The following ADGRL2 variants were observed in gnomAD, a reference collection of about 807,000 sequenced individuals.
The protein encoded by ADGRL2 is calcium-independent alpha-latrotoxin receptor 2.
In ADGRL2, 44 loss-of-function variants were observed where a neutral mutation model predicts 157.4. That is an observed-to-expected ratio of 0.28 (90% confidence interval 0.22 to 0.36). The LOEUF (loss-of-function observed/expected upper bound fraction) is 0.36. Among genes scored for constraint, ADGRL2 ranks in the 10% least tolerant of loss-of-function variants. The pLI, the probability that ADGRL2 is intolerant of heterozygous loss-of-function variation, is 1.00. For synonymous variants in ADGRL2, 585 were observed against 624.7 expected (o/e 0.94, Z 0.95); for missense variants, 1,510 against 1,768.9 (o/e 0.85, Z 2.63).
chr1:81,802,015 A>T (rs1398716636), intron 1 of ADGRL2, among the ~76,000 whole-genome samples: 1 of 151,004 alleles, frequency 6.6e-6, no homozygotes, highest in Non-Finnish European at 1.5e-5. Flanking sequence ...GCTCGGCTGG[A>T]GGCGGCGGCG....
At chr1:81,418,429 T>C (rs991441308) in intron 1 of ADGRL2, among the ~76,000 whole-genome samples, 5 of 152,192 alleles carry the variant, frequency 3.3e-5, no homozygotes, top group Non-Finnish European at 5.9e-5. Flanking sequence ...ATCTCACCTA[T>C]CTGTATTCAG....
At chr1:81,433,152 T>C (rs2077352472) in intron 1 of ADGRL2, among the ~76,000 whole-genome samples, 1 of 152,228 alleles carries the variant, frequency 6.6e-6, no homozygotes, top group Non-Finnish European at 1.5e-5. Context: ...CCAAGAAATT[T>C]GATTTTGTTA....
chr1:81,557,942 GGC>G (rs1401825460), intron 2 of ADGRL2: 1 of 152,156 alleles, frequency 6.6e-6, no homozygotes, highest in Non-Finnish European at 1.5e-5. Context: ...CATTGAGGAG[GGC>G]GCACCTCTGT....
At chr1:81,358,372 A>G (rs994664183) in intron 1 of ADGRL2, among the ~76,000 whole-genome samples, 2 of 152,160 alleles carry the variant, frequency 1.3e-5, no homozygotes, top group Non-Finnish European at 2.9e-5. Flanking sequence ...TGAAGATGCC[A>G]TTGTATGCCC....
intron 2 of ADGRL2, among the ~76,000 whole-genome samples, chr1:81,536,184 T>C (rs531550061): frequency 6.6e-6 from 1 of 152,352 alleles, no homozygotes; most frequent in East Asian, 1.9e-4. Context: ...AAACATTTGT[T>C]GTTTCTGAAT....
chr1:81,742,277 T>C (rs1223961778), intron 1 of ADGRL2, among the ~76,000 whole-genome samples: 1 of 152,050 alleles, frequency 6.6e-6, no homozygotes, highest in Non-Finnish European at 1.5e-5. Context: ...AAGTGTAGTT[T>C]CCTTAGGAAT....
chr1:81,819,049 G>C lies in ADGRL2; in HGVS notation c.-100-17836G>C, dbSNP rs554028262. On this transcript the variant is annotated intron_variant, in intron 1 of 23. Transcript: ENST00000686636. Reference sequence around the variant, plus strand: ...CAGCCTGCTCTTTTAAGATTCTCTTGTAGGCCACAAAATGTTGTTGATATT... The same window carrying C: ...CAGCCTGCTCTTTTAAGATTCTCTTCTAGGCCACAAAATGTTGTTGATATT... Among the ~76,000 whole-genome samples, 178 of 152,262 alleles carry C rather than the reference G, an allele frequency of 1.2e-3. 7 individuals are homozygous for C. The South Asian group carries it at 0.034, about 29-fold the overall frequency.
intron 2 of ADGRL2, among the ~76,000 whole-genome samples, chr1:81,576,629 G>C (rs557581437): frequency 6.6e-5 from 10 of 152,124 alleles, no homozygotes; most frequent in Admixed American, 5.2e-4. Flanking sequence ...TGTTTAGTTC[G>C]GCGCACCCAC....
In ADGRL2 at chr1:81,956,036, G is replaced by T; in HGVS notation, c.1993G>T (p.Val665Phe). The T allele has an allele frequency of 6.3e-7, 1 of 1,599,566 alleles. No individual in the cohort carries two copies. The highest frequency in any genetic ancestry group is 1.1e-5 in the South Asian group (1 of 87,842). The change falls in exon 11 of 24, where the codon GTC becomes TTC. Residue 665 changes from valine (V) to phenylalanine (F), a missense_variant. By Grantham distance (50) the Val-to-Phe change is conservative (BLOSUM62 -1). Transcript: ENST00000686636. ...LADNLLEPTR[V>F]SMPTENIVLE... ...TGACAATCTTTTAGAACCAACAAGGGTCTCAATGCCCACAGAAAATATTGG... is the reference window on the plus strand; with the variant it reads ...TGACAATCTTTTAGAACCAACAAGGTTCTCAATGCCCACAGAAAATATTGG...
rs148594529 is a variant in ADGRL2 at position 81,822,652 on chromosome 1, A to G, written c.-100-14233A>G. 8.1e-3 allele frequency among the ~76,000 whole-genome samples: 1,227 copies of G among 152,250 alleles called. 14 individuals are homozygous for G. Among genetic ancestry groups the G allele is most frequent in the African/African-American group, 0.028 (1,153 of 41,562 alleles). ...CTCTGCCTCTTGAGTATCTAGGGCT[A>G]TAGGCCTGCGCCACCACACTTTGTA... On this transcript the variant is annotated intron_variant, in intron 1 of 23. Coordinates refer to ENST00000686636, the MANE Select transcript of ADGRL2 (RefSeq NM_001366006.2).
intron 2 of ADGRL2, among the ~76,000 whole-genome samples, chr1:81,453,508 C>A (rs1224065586): frequency 1.3e-5 from 2 of 152,002 alleles, no homozygotes; most frequent in Non-Finnish European, 1.5e-5. Context: ...ACATATGTAC[C>A]TAGAGAGAGA....
chr1:81,491,798 A>C (rs148704193), intron 2 of ADGRL2, among the ~76,000 whole-genome samples: 322 of 152,332 alleles, frequency 2.1e-3, no homozygotes, highest in African/African-American at 6.8e-3. Context: ...TTCTCAATCA[A>C]GAGAACCCCA....
At chr1:81,608,253 A>G (rs562068941) in intron 3 of ADGRL2, among the ~76,000 whole-genome samples, 29 of 152,256 alleles carry the variant, frequency 1.9e-4, no homozygotes, top group African/African-American at 7.0e-4. Flanking sequence ...GTCAGAGGGT[A>G]GAATCAGCCT....
intron 3 of ADGRL2, among the ~76,000 whole-genome samples, chr1:81,583,383 A>G (rs2080957170): frequency 6.6e-6 from 1 of 152,016 alleles, no homozygotes; most frequent in African/African-American, 2.4e-5. Context: ...CTGATGTACA[A>G]TGAATAAAAG....
rs1399720772 is a variant in ADGRL2 at position 81,992,420 on chromosome 1, A to C, written c.*1275A>C. The C allele has an allele frequency of 6.6e-6, 1 of 152,578 alleles. No individual in the cohort carries two copies. The highest frequency in any genetic ancestry group is 1.5e-5 in the Non-Finnish European group (1 of 68,040). 9.5% of individuals were successfully genotyped at this position (152,578 alleles called of 1,614,324 possible). A position where few individuals can be genotyped will look rare whatever the true frequency, so the allele number is the denominator to read the frequency against. On this transcript the variant is annotated 3_prime_UTR_variant, in exon 24 of 24. Transcript: ENST00000686636. ...CAGTAAATAAATGTGAATTTTTTCA[A>C]GTAGTTAACATGTGAACTTTTATGT...
chr1:81,797,161 T>C (rs925972958), upstream of ADGRL2, among the ~76,000 whole-genome samples: 4 of 152,160 alleles, frequency 2.6e-5, no homozygotes, highest in Non-Finnish European at 5.9e-5. Context: ...CATCAACAAG[T>C]AATGATGAAG....
intron 3 of ADGRL2, among the ~76,000 whole-genome samples, chr1:81,626,876 G>C (rs2081921818): frequency 6.6e-6 from 1 of 152,144 alleles, no homozygotes; most frequent in South Asian, 2.1e-4. Context: ...GGCAGTTAGA[G>C]TTTCATGACG....
At chr1:81,504,875 A>G (rs904168114) in intron 2 of ADGRL2, among the ~76,000 whole-genome samples, 5 of 152,170 alleles carry the variant, frequency 3.3e-5, no homozygotes, top group African/African-American at 1.2e-4. Context: ...TGAGGAGATG[A>G]ATAACTCCAC....
At chr1:81,836,799 G>GGA (rs1180676996) in intron 1 of ADGRL2, 86 bp from the exon 2 acceptor site, 9 of 460,608 alleles carry the variant, frequency 2.0e-5, no homozygotes, top group East Asian at 1.1e-4. Context: ...TTTATATTCA[G>GGA]GAGAGAGAGA....
Sources: allele counts gnomAD v4.1 joint callset (sites outside exome capture counted in the v4.1 genomes callset), GRCh38; gene constraint gnomAD v4.1.1; transcripts MANE v1.5; gene names NCBI Gene and HGNC (gene_info 2026-07-23, HGNC 2026-07-21).